AKAIN1: variants seen among roughly 807,000 people sequenced by gnomAD.
The protein encoded by AKAIN1 is A-kinase anchor inhibitor 1, also known as A-kinase anchor protein inhibitor 1.
A neutral mutation model predicts 3.7 loss-of-function variants in AKAIN1; 3 were observed. The observed-to-expected ratio is 0.82, with a 90% CI of 0.37 to 2.12. The LOEUF (loss-of-function observed/expected upper bound fraction) is 2.12. AKAIN1 is among the 30% of genes most tolerant of loss of function. The pLI, the probability that AKAIN1 is intolerant of heterozygous loss-of-function variation, is 0.06. For missense variants in AKAIN1, 82 were observed against 82.7 expected (o/e 0.99, Z 0.03); for synonymous variants, 31 against 30.8 (o/e 1.01, Z -0.02).
chr18:5,155,309 T>G (rs2071101318), intron 1 of AKAIN1, among the ~76,000 whole-genome samples: 1 of 152,186 alleles, frequency 6.6e-6, no homozygotes, highest in East Asian at 1.9e-4. Context: ...AAAACTCCAC[T>G]CTGGGCTCAT....
At chr18:5,177,709 C>T (rs2071234199) in intron 1 of AKAIN1, among the ~76,000 whole-genome samples, 1 of 152,130 alleles carries the variant, frequency 6.6e-6, no homozygotes, top group Admixed American at 6.5e-5. Flanking sequence ...ATATAAACTG[C>T]TTCTAAGTTA....
chr18:5,145,054 T>A lies in AKAIN1; in HGVS notation c.*508A>T, dbSNP rs1240962079. Among the ~76,000 whole-genome samples, 1 of 152,180 alleles carries A rather than the reference T, an allele frequency of 6.6e-6. No individual in the cohort carries two copies. The highest frequency in any genetic ancestry group is 2.4e-5 in the African/African-American group (1 of 41,454). ...GAGGGACTCAGCCTTAGAATTTCCC[T>A]TTTCTTAATTTGATCTTAGACCTGA... is the stretch of plus-strand genomic sequence containing the variant. On this transcript the variant is annotated 3_prime_UTR_variant, in exon 2 of 2. Coordinates refer to ENST00000434239, the MANE Select transcript of AKAIN1 (RefSeq NM_001145194.2).
intron 1 of AKAIN1, chr18:5,170,841 G>T (rs1467791162): frequency 6.6e-6 from 1 of 152,124 alleles, no homozygotes; most frequent in African/African-American, 2.4e-5. Context: ...TTAGAAGCCA[G>T]ACAACAGATG....
At chr18:5,149,017 G>A (rs1161347105) in intron 1 of AKAIN1, among the ~76,000 whole-genome samples, 1 of 152,118 alleles carries the variant, frequency 6.6e-6, no homozygotes, top group Non-Finnish European at 1.5e-5. Flanking sequence ...GGACAAATGC[G>A]AAACCCAGGT....
At chr18:5,189,836 C>T (rs2071309413) in intron 1 of AKAIN1, among the ~76,000 whole-genome samples, 1 of 152,042 alleles carries the variant, frequency 6.6e-6, no homozygotes, top group Non-Finnish European at 1.5e-5. Flanking sequence ...GTCTGCTCCT[C>T]CAAATTCTTC....
chr18:5,161,252 T>A (rs1387560624), intron 1 of AKAIN1, among the ~76,000 whole-genome samples: 2 of 152,100 alleles, frequency 1.3e-5, no homozygotes, highest in African/African-American at 4.8e-5. Flanking sequence ...TTACAAGGTA[T>A]TGTACATCTT....
intron 1 of AKAIN1, among the ~76,000 whole-genome samples, chr18:5,149,184 T>C (rs965163430): frequency 6.6e-6 from 1 of 152,194 alleles, no homozygotes; most frequent in African/African-American, 2.4e-5. Context: ...CACACATACC[T>C]GCAGGGGAGG....
chr18:5,192,445 CT>C (rs766762812), intron 1 of AKAIN1, among the ~76,000 whole-genome samples: 1 of 126,156 alleles, frequency 7.9e-6, no homozygotes, highest in African/African-American at 3.0e-5. Flanking sequence ...TTCTTTCTTT[CT>C]TTTTCTTTTC....
intron 1 of AKAIN1, among the ~76,000 whole-genome samples, chr18:5,169,927 C>G (rs954658902): frequency 1.3e-5 from 2 of 152,148 alleles, no homozygotes; most frequent in African/African-American, 4.8e-5. Flanking sequence ...TCACCTGCAG[C>G]CTTTCAGGCC....
intron 1 of AKAIN1, among the ~76,000 whole-genome samples, chr18:5,165,855 G>A (rs2071165012): frequency 6.6e-6 from 1 of 151,996 alleles, no homozygotes; most frequent in Non-Finnish European, 1.5e-5. Context: ...CAGTGAAAAG[G>A]ATTTTACAGT....
Position 5,143,877 on chromosome 18 carries a change from C to T in AKAIN1, c.*1685G>A, listed in dbSNP as rs775364103. 2.0e-5 allele frequency among the ~76,000 whole-genome samples: 3 copies of T among 152,200 alleles called. No homozygotes were observed. The highest frequency in any genetic ancestry group is 4.4e-5 in the Non-Finnish European group (3 of 68,036). The stretch of plus-strand genomic sequence containing the variant: ...TCTGAGTAGACATAGTACCAGATCA[C>T]TTACAAACTACAAGCATTAGATTTA... On this transcript the variant is annotated 3_prime_UTR_variant, in exon 2 of 2. Coordinates refer to ENST00000434239, the MANE Select transcript of AKAIN1 (RefSeq NM_001145194.2).
rs150989410 is a variant in AKAIN1 at position 5,145,460 on chromosome 18, G to A, written c.*102C>T. The A allele has an allele frequency of 1.2e-3, 1,066 of 891,542 alleles. 8 individuals are homozygous for A. The highest frequency in any genetic ancestry group is 8.3e-3 in the African/African-American group (492 of 59,566). The allele number at this position is 891,542 out of a possible 1,614,324, so 55.2% of individuals were successfully genotyped here. ...TGAATTCATTCTACAGCTAGGTGCC[G>A]GTGACACTTCGGTTTGCTTTACTGG... On this transcript the variant is annotated 3_prime_UTR_variant, in exon 2 of 2. Transcript: ENST00000434239.
At chr18:5,164,101 C>T (rs185528713) in intron 1 of AKAIN1, among the ~76,000 whole-genome samples, 1 of 151,960 alleles carries the variant, frequency 6.6e-6, no homozygotes, top group Non-Finnish European at 1.5e-5. Context: ...TATTCTCTAA[C>T]CATGTGCAAA....
intron 1 of AKAIN1, among the ~76,000 whole-genome samples, chr18:5,173,172 A>G (rs1598311515): frequency 6.6e-6 from 1 of 152,196 alleles, no homozygotes; most frequent in African/African-American, 2.4e-5. Flanking sequence ...TCACACAGCT[A>G]CATAATATAT....
chr18:5,151,382 G>T (rs2143312062), intron 1 of AKAIN1, among the ~76,000 whole-genome samples: 1 of 152,220 alleles, frequency 6.6e-6, no homozygotes, highest in African/African-American at 2.4e-5. Flanking sequence ...TACACCAACT[G>T]CAAATAAAGC....
intron 1 of AKAIN1, among the ~76,000 whole-genome samples, chr18:5,146,156 T>C (rs1233152817): frequency 6.6e-6 from 1 of 152,234 alleles, no homozygotes; most frequent in Non-Finnish European, 1.5e-5. Flanking sequence ...TTTTCTTCCA[T>C]GGTTGTTTGA....
At chr18:5,147,037 G>C (rs2071053296) in intron 1 of AKAIN1, among the ~76,000 whole-genome samples, 1 of 152,194 alleles carries the variant, frequency 6.6e-6, no homozygotes, top group South Asian at 2.1e-4. Flanking sequence ...GGTAGAAGTG[G>C]AAGTTCATTT....
At chr18:5,157,847 G>C (rs1456301248) in intron 1 of AKAIN1, among the ~76,000 whole-genome samples, 2 of 152,038 alleles carry the variant, frequency 1.3e-5, no homozygotes, top group African/African-American at 4.8e-5. Flanking sequence ...ACGACCACCA[G>C]CTAATTTTTT....
chr18:5,148,939 CA>C (rs2071064749), intron 1 of AKAIN1, among the ~76,000 whole-genome samples: 1 of 151,998 alleles, frequency 6.6e-6, no homozygotes, highest in Admixed American at 6.6e-5. Flanking sequence ...TTAAGAAGTT[CA>C]AAAAATTACT....
Sources: gnomAD v4.1 joint callset for allele counts (sites outside exome capture counted in the v4.1 genomes callset) on GRCh38, gnomAD v4.1.1 for gene constraint, MANE v1.5 for transcripts, NCBI Gene and HGNC (gene_info 2026-07-23, HGNC 2026-07-21) for gene names.